SEC14L1: variants seen among roughly 807,000 people sequenced by gnomAD.
SEC14L1 encodes the protein SEC14-like protein 1.
A neutral mutation model predicts 85.3 loss-of-function variants in SEC14L1; 48 were observed. The observed-to-expected ratio is 0.56, with a 90% CI of 0.45 to 0.72. The LOEUF (loss-of-function observed/expected upper bound fraction) is 0.72, where lower values mean the gene tolerates loss of function less well. Among genes scored for constraint, SEC14L1 ranks in the 30% least tolerant of loss-of-function variants. The pLI, the probability that SEC14L1 is intolerant of heterozygous loss-of-function variation, is 0.00. For missense variants in SEC14L1, 682 were observed against 921.4 expected (o/e 0.74, Z 3.36); for synonymous variants, 391 against 355.5 (o/e 1.10, Z -1.12).
At chr17:77,194,993 T>G in intron 7 of SEC14L1, 82 bp downstream of exon 7, 3 of 990,138 alleles carry the variant, frequency 3.0e-6, no homozygotes, top group Non-Finnish European at 4.7e-6. Context: ...CTCTGCCTGT[T>G]CCCGCTTCCT....
At chr17:77,142,126 G>A (rs1973080164) in intron 1 of SEC14L1, among the ~76,000 whole-genome samples, 2 of 152,078 alleles carry the variant, frequency 1.3e-5, no homozygotes, top group South Asian at 2.1e-4. Flanking sequence ...TGAGTCCTAG[G>A]GAAGTCAAAT....
intron 3 of SEC14L1, among the ~76,000 whole-genome samples, chr17:77,149,278 G>C (rs1973452046): frequency 6.6e-6 from 1 of 152,212 alleles, no homozygotes; most frequent in African/African-American, 2.4e-5. Flanking sequence ...ACAGTTATTT[G>C]TCTTGTTCTC....
chr17:77,181,138 G>A (rs756723746), intron 3 of SEC14L1: 1 of 152,212 alleles, frequency 6.6e-6, no homozygotes, highest in Non-Finnish European at 1.5e-5. Context: ...GGAAACTGAT[G>A]TTCTATAAGT....
At chr17:77,187,508 G>T (rs1454298141) in intron 3 of SEC14L1, among the ~76,000 whole-genome samples, 2 of 152,030 alleles carry the variant, frequency 1.3e-5, no homozygotes, top group East Asian at 3.9e-4. Flanking sequence ...CTCCCAAGTA[G>T]CTGGGATTAC....
At chr17:77,124,511 GGCCCCTGTCTTGGCTA>G (rs1447740991) in intron 3 of SEC14L1, among the ~76,000 whole-genome samples, 1 of 152,168 alleles carries the variant, frequency 6.6e-6, no homozygotes, top group Non-Finnish European at 1.5e-5. Flanking sequence ...GCTGAACTGG[GGCCCCTGTCTTGGCTA>G]ATAACATCCC....
intron 3 of SEC14L1, among the ~76,000 whole-genome samples, chr17:77,180,756 T>C (rs900695064): frequency 6.6e-6 from 1 of 152,230 alleles, no homozygotes; most frequent in South Asian, 2.1e-4. Context: ...TTTGGACAAG[T>C]GGACGGGTAT....
intron 3 of SEC14L1, among the ~76,000 whole-genome samples, chr17:77,169,800 G>T (rs2030077922): frequency 6.6e-6 from 1 of 152,268 alleles, no homozygotes; most frequent in South Asian, 2.1e-4. Flanking sequence ...GGTAGGCTTG[G>T]TGTCGGTAGA....
upstream of SEC14L1, among the ~76,000 whole-genome samples, chr17:77,137,335 G>A (rs1015894817): frequency 2.6e-5 from 4 of 152,246 alleles, no homozygotes; most frequent in Admixed American, 6.5e-5. Context: ...GGAGCTTTTA[G>A]TCTTGGTGGA....
At chr17:77,150,541 C>T (rs1973508525) in intron 3 of SEC14L1, among the ~76,000 whole-genome samples, 1 of 152,170 alleles carries the variant, frequency 6.6e-6, no homozygotes, top group Non-Finnish European at 1.5e-5. Context: ...ATATACAAAA[C>T]AGGGAGACGT....
chr17:77,092,807 G>C (rs1339080985), intron 2 of SEC14L1, among the ~76,000 whole-genome samples: 4 of 152,082 alleles, frequency 2.6e-5, no homozygotes, highest in Non-Finnish European at 5.9e-5. Context: ...AATTAGCTGG[G>C]CGTGGTGGCA....
rs1460104425 is a variant in SEC14L1 at position 77,214,555 on chromosome 17, G to C, written c.*532G>C. The C allele has an allele frequency of 2.0e-6, 2 of 990,008 alleles. No individual in the cohort carries two copies. Among genetic ancestry groups the C allele is most frequent in the Non-Finnish European group, 2.4e-6 (2 of 832,734 alleles). 61.3% of individuals were successfully genotyped at this position (990,008 alleles called of 1,614,324 possible). On this transcript the variant is annotated 3_prime_UTR_variant, in exon 17 of 17. Transcript: ENST00000436233. ...CCAGCCCTTGAGGTCCTTATCCTCT[G>C]AGGATTCAGAGGTTGCCTGCGGAGT...
At chr17:77,167,931 C>T (rs529852783) in intron 3 of SEC14L1, among the ~76,000 whole-genome samples, 20 of 152,310 alleles carry the variant, frequency 1.3e-4, no homozygotes, top group Middle Eastern at 3.4e-3. Context: ...CTGTTACAAC[C>T]GCAAGAGTAC....
intron 3 of SEC14L1, among the ~76,000 whole-genome samples, chr17:77,115,302 G>A (rs1428578143): frequency 3.3e-5 from 5 of 152,056 alleles, no homozygotes; most frequent in East Asian, 3.9e-4. Context: ...GGTGGTGTGC[G>A]CCTGTAATCT....
At chr17:77,095,981 G>C (rs955081139) in intron 3 of SEC14L1, among the ~76,000 whole-genome samples, 2 of 151,862 alleles carry the variant, frequency 1.3e-5, no homozygotes, top group South Asian at 4.2e-4. Flanking sequence ...GGAAGGTTTT[G>C]TGTGGCTGTC....
At chr17:77,180,340 C>T (rs892378114) in intron 3 of SEC14L1, among the ~76,000 whole-genome samples, 1 of 152,084 alleles carries the variant, frequency 6.6e-6, no homozygotes, top group Non-Finnish European at 1.5e-5. Context: ...GATCTGCCCG[C>T]CTTGGCCTCC....
chr17:77,113,609 G>A (rs2143372364), intron 3 of SEC14L1, among the ~76,000 whole-genome samples: 1 of 152,230 alleles, frequency 6.6e-6, no homozygotes, highest in East Asian at 1.9e-4. Context: ...AGCCAGGTGT[G>A]GTAGCACATG....
Position 77,206,208 on chromosome 17 carries a change from A to G in SEC14L1, c.1170-21A>G. On this transcript the variant is annotated intron_variant, in intron 11 of 16. Transcript: ENST00000436233. The surrounding 1 kb of genome is among the most constrained non-coding windows in gnomAD (Gnocchi z 4.3). Reference sequence around the variant, plus strand: ...AAGTGTGCTGTCTGTTGAATGAAACACATCTCTGCACAACCTGCAGCTCAT... The same window carrying G: ...AAGTGTGCTGTCTGTTGAATGAAACGCATCTCTGCACAACCTGCAGCTCAT... The G allele has an allele frequency of 6.2e-7, 1 of 1,607,860 alleles. No homozygotes were observed. Among genetic ancestry groups the G allele is most frequent in the African/African-American group, 1.3e-5 (1 of 74,932 alleles).
At chr17:77,090,163 AG>A (rs920062713) in intron 2 of SEC14L1, 2 of 149,622 alleles carry the variant, frequency 1.3e-5, no homozygotes, top group Non-Finnish European at 3.0e-5. Context: ...AGCTGGGTGC[AG>A]TGGCATATGC....
chr17:77,200,685 A>T lies in SEC14L1; in HGVS notation c.1009+12A>T. On this transcript the variant is annotated intron_variant, in intron 9 of 16. Transcript: ENST00000436233. Reference sequence around the variant, plus strand: ...TCATCACGACAAAGGTACCGGATGGAGTTGAAACTGTGTTTCCATCGTTGT... The same window carrying T: ...TCATCACGACAAAGGTACCGGATGGTGTTGAAACTGTGTTTCCATCGTTGT... 6.2e-7 allele frequency: 1 copy of T among 1,604,366 alleles called. No homozygotes were observed. The highest frequency in any genetic ancestry group is 1.7e-5 in the Admixed American group (1 of 58,458).
Sources: allele counts gnomAD v4.1 joint callset (sites outside exome capture counted in the v4.1 genomes callset), GRCh38; gene constraint gnomAD v4.1.1; non-coding constraint Gnocchi (gnomAD v3.1); transcripts MANE v1.5; gene names NCBI Gene and HGNC (gene_info 2026-07-23, HGNC 2026-07-21).